Variants in MTNAP1 observed in about 807,000 individuals in gnomAD.
MTNAP1 encodes mitochondrial nucleoid associated protein 1.
the MTNAP1 span, among the ~76,000 whole-genome samples, chr17:73,233,736 C>A: frequency 6.6e-6 from 1 of 152,068 alleles, no homozygotes; most frequent in East Asian, 1.9e-4. Flanking sequence ...TGGTGGCGCA[C>A]GCCCTTAATC....
At chr17:73,237,505 C>T in the MTNAP1 span, among the ~76,000 whole-genome samples, 1 of 152,110 alleles carries the variant, frequency 6.6e-6, no homozygotes, top group Non-Finnish European at 1.5e-5. Flanking sequence ...TTATCCCTCT[C>T]TTTTTCTCTC....
the MTNAP1 span, chr17:73,236,516 A>G: frequency 6.8e-6 from 11 of 1,614,090 alleles, no homozygotes; most frequent in African/African-American, 1.2e-4. Context: ...ACAGGAAAGG[A>G]GTCTCAAGGG....
At chr17:73,242,415 T>TAAG in the MTNAP1 span, 5 of 1,161,132 alleles carry the variant, frequency 4.3e-6, no homozygotes, top group South Asian at 7.4e-5. Context: ...AAGTTTCTCT[T>TAAG]CGGGCTGTTA....
chr17:73,246,023 T>A, the MTNAP1 span, among the ~76,000 whole-genome samples: 1 of 152,202 alleles, frequency 6.6e-6, no homozygotes, highest in Non-Finnish European at 1.5e-5. Context: ...TTTTGACTTC[T>A]GCTTTGGCCC....
chr17:73,240,335 A>G, the MTNAP1 span, among the ~76,000 whole-genome samples: 1 of 152,186 alleles, frequency 6.6e-6, no homozygotes, highest in Non-Finnish European at 1.5e-5. Flanking sequence ...TCTATTATAA[A>G]CTGAAAAACT....
the MTNAP1 span, chr17:73,244,605 T>A: frequency 2.2e-5 from 3 of 136,078 alleles, no homozygotes. Context: ...TTTGTACAAT[T>A]AAAACAAAAA....
the MTNAP1 span, chr17:73,243,077 A>AGTTTTTTTTTTGTTTTTT: frequency 3.3e-6 from 1 of 306,198 alleles, no homozygotes; most frequent in African/African-American, 3.0e-5. Flanking sequence ...GATTCTCTGA[A>AGTTTTTTTTTTGTTTTTT]TTTTTTTTTT....
the MTNAP1 span, among the ~76,000 whole-genome samples, chr17:73,238,502 C>A: frequency 3.3e-5 from 5 of 152,234 alleles, no homozygotes; most frequent in African/African-American, 9.6e-5. Context: ...GTACTAAAAG[C>A]AGAACATTGC....
the MTNAP1 span, among the ~76,000 whole-genome samples, chr17:73,238,163 T>C: frequency 2.0e-5 from 3 of 152,222 alleles, no homozygotes; most frequent in African/African-American, 7.2e-5. Context: ...TCATTTGAAA[T>C]ATCTTTGCTT....
the MTNAP1 span, chr17:73,248,863 A>T: frequency 7.2e-6 from 2 of 279,424 alleles, no homozygotes; most frequent in Non-Finnish European, 1.4e-5. Flanking sequence ...TAAAAATAAA[A>T]TCATTTTATT....
chr17:73,248,671 G>A, the MTNAP1 span: 3 of 878,168 alleles, frequency 3.4e-6, no homozygotes, highest in Non-Finnish European at 3.6e-6. Flanking sequence ...TGAAGGTTCT[G>A]TTACTACAAG....
the MTNAP1 span, chr17:73,237,055 G>T: frequency 7.0e-7 from 1 of 1,424,204 alleles, no homozygotes; most frequent in South Asian, 1.4e-5. Context: ...TCTGCCTTTT[G>T]AATTTATAAG....
At chr17:73,239,520 C>CTTTTTTT in the MTNAP1 span, among the ~76,000 whole-genome samples, 4 of 141,516 alleles carry the variant, frequency 2.8e-5, no homozygotes, top group Non-Finnish European at 3.0e-5. Flanking sequence ...CTTCAGACAT[C>CTTTTTTT]TTTTTTTTTT....
the MTNAP1 span, chr17:73,247,247 T>C: frequency 9.9e-6 from 16 of 1,614,016 alleles, no homozygotes; most frequent in East Asian, 3.6e-4. Context: ...ACAGAAAAAT[T>C]GTGCCGACCC....
the MTNAP1 span, chr17:73,245,084 A>G: frequency 7.7e-7 from 1 of 1,296,284 alleles, no homozygotes. Context: ...AAACAAAAAG[A>G]GAATGATCTG....
the MTNAP1 span, chr17:73,245,115 A>T: frequency 6.5e-7 from 1 of 1,541,350 alleles, no homozygotes; most frequent in Non-Finnish European, 9.0e-7. Flanking sequence ...AGATAGTAAC[A>T]GTCATTGGAA....
chr17:73,247,189 A>C, the MTNAP1 span: 1 of 1,546,926 alleles, frequency 6.5e-7, no homozygotes. Context: ...TAGTTGCGAC[A>C]GAAACCATAT....
chr17:73,235,996 T>G, the MTNAP1 span: 1 of 1,614,178 alleles, frequency 6.2e-7, no homozygotes, highest in Non-Finnish European at 8.5e-7. Flanking sequence ...AGCTGGAGCG[T>G]CTTTACTGGT....
At chr17:73,236,906 TA>T in the MTNAP1 span, 1 of 1,613,998 alleles carries the variant, frequency 6.2e-7, no homozygotes, top group Non-Finnish European at 8.5e-7. Flanking sequence ...TACCTTGGAC[TA>T]GGGGTGTTGC....
Sources: gnomAD v4.1 joint callset for allele counts (sites outside exome capture counted in the v4.1 genomes callset) on GRCh38, gnomAD v4.1.1 for gene constraint, MANE v1.5 for transcripts, NCBI Gene and HGNC (gene_info 2026-07-23, HGNC 2026-07-21) for gene names.